PIK3AP1: variants seen among roughly 807,000 people sequenced by gnomAD.
PIK3AP1 encodes phosphoinositide-3-kinase adaptor protein 1, also known as phosphoinositide 3-kinase adapter protein 1.
A neutral mutation model predicts 88.1 loss-of-function variants in PIK3AP1; 21 were observed. The observed-to-expected ratio is 0.24, with a 90% CI of 0.17 to 0.34. The LOEUF is 0.34. Ranked by LOEUF, PIK3AP1 falls within the 10% of genes least tolerant of loss-of-function variation. The pLI is 1.00. For synonymous variants in PIK3AP1, 398 were observed against 400.0 expected, an observed-to-expected ratio of 1.00 and a Z score of 0.06; for missense variants, 828 against 1,035.7, an observed-to-expected ratio of 0.80 and a Z score of 2.75.
chr10:96,697,720 C>A (rs1207520928), intron 2 of PIK3AP1, among the ~76,000 whole-genome samples: 3 of 152,090 alleles, frequency 2.0e-5, no homozygotes, highest in Non-Finnish European at 2.9e-5. Flanking sequence ...CAGAGCAAGA[C>A]CCTGTCTCAA....
At chr10:96,705,502 T>C (rs558933242) in intron 2 of PIK3AP1, among the ~76,000 whole-genome samples, 13 of 152,230 alleles carry the variant, frequency 8.5e-5, no homozygotes, top group Non-Finnish European at 1.9e-4. Context: ...GTAGTTTCAA[T>C]AGCCCTACAA....
At chr10:96,704,322 A>G (rs1441242712) in intron 2 of PIK3AP1, among the ~76,000 whole-genome samples, 3 of 152,246 alleles carry the variant, frequency 2.0e-5, no homozygotes, top group Non-Finnish European at 4.4e-5. Context: ...CGACAGAGGT[A>G]CATGACCATT....
chr10:96,684,478 G>A (rs113787409), intron 2 of PIK3AP1, among the ~76,000 whole-genome samples: 1,558 of 152,342 alleles, frequency 0.01, 21 homozygotes, highest in African/African-American at 0.036. Flanking sequence ...CACCCACAAA[G>A]TCTGATCTGG....
chr10:96,612,333 G>A (rs1849127346), intron 13 of PIK3AP1, among the ~76,000 whole-genome samples: 1 of 152,026 alleles, frequency 6.6e-6, no homozygotes, highest in African/African-American at 2.4e-5. Flanking sequence ...CAAACCCCTG[G>A]GGTTGGAGAA....
chr10:96,632,094 T>C (rs1403870157), intron 8 of PIK3AP1, among the ~76,000 whole-genome samples: 3 of 151,976 alleles, frequency 2.0e-5, no homozygotes, highest in Non-Finnish European at 4.4e-5. Context: ...AACTGATCAG[T>C]GCTCTTCAAA....
chr10:96,648,122 C>T (rs889237356), intron 7 of PIK3AP1, among the ~76,000 whole-genome samples: 5 of 152,124 alleles, frequency 3.3e-5, no homozygotes, highest in African/African-American at 1.2e-4. Flanking sequence ...GCCCTGATGC[C>T]TTTCCAGGTG....
intron 8 of PIK3AP1, 126 bp from the exon 9 acceptor site, chr10:96,628,619 C>T: frequency 1.3e-6 from 1 of 785,240 alleles, no homozygotes; most frequent in East Asian, 2.6e-5. Flanking sequence ...ATCTATCCAT[C>T]CCTCCATCCA....
intron 9 of PIK3AP1, among the ~76,000 whole-genome samples, chr10:96,627,951 A>G (rs1022211879): frequency 1.3e-5 from 2 of 152,108 alleles, no homozygotes; most frequent in African/African-American, 4.8e-5. Flanking sequence ...AATCTTCCTA[A>G]CCACTATACA....
intron 8 of PIK3AP1, chr10:96,632,774 A>G: frequency 7.5e-7 from 1 of 1,331,594 alleles, no homozygotes; most frequent in Non-Finnish European, 1.0e-6. Flanking sequence ...GGGCATTAGG[A>G]TCGCAATGCA....
chr10:96,600,315 C>T (rs11188847), intron 16 of PIK3AP1, among the ~76,000 whole-genome samples: 31,287 of 152,130 alleles, frequency 0.21, 3,499 homozygotes, highest in Admixed American at 0.31. Context: ...GTATGTTTAA[C>T]GGAATACCTG....
At chr10:96,710,612 A>C (rs1844426496) in intron 1 of PIK3AP1, among the ~76,000 whole-genome samples, 1 of 152,060 alleles carries the variant, frequency 6.6e-6, no homozygotes, top group African/African-American at 2.4e-5. Flanking sequence ...TCATAACAAT[A>C]ATAACAATAA....
At chr10:96,695,726 C>G (rs563701760) in intron 2 of PIK3AP1, among the ~76,000 whole-genome samples, 80 of 151,854 alleles carry the variant, frequency 5.3e-4, no homozygotes, top group Admixed American at 2.0e-3. Context: ...CTATAGATTG[C>G]CTCACTTTTA....
At chr10:96,654,455 G>T (rs1331061227) in intron 3 of PIK3AP1, among the ~76,000 whole-genome samples, 1 of 151,948 alleles carries the variant, frequency 6.6e-6, no homozygotes, top group Non-Finnish European at 1.5e-5. Flanking sequence ...CACGTGATGT[G>T]GGGGGTGATC....
At position 96,663,627 on chromosome 10, in the gene PIK3AP1, CAAAAAAAAAA is replaced by C. The variant is rs373081849; in HGVS notation, c.431-6703_431-6694del. Among the ~76,000 whole-genome samples the C allele has an allele frequency of 1.7e-3, 73 of 42,984 alleles. 1 individual carries two copies. The highest frequency in any genetic ancestry group is 8.3e-3 in the East Asian group (10 of 1,208). 28.2% of individuals were successfully genotyped at this position (42,984 alleles called of 152,430 possible). On this transcript the variant is annotated intron_variant, in intron 2 of 16. Coordinates refer to ENST00000339364, the MANE Select transcript of PIK3AP1 (RefSeq NM_152309.3). ...CCTGGGCAACAGAGTGAGACTCCGT[CAAAAAAAAAA>C]AAAAAAAAAAAAAAAAAGAAACCCA...
intron 2 of PIK3AP1, among the ~76,000 whole-genome samples, chr10:96,675,286 G>C (rs879730454): frequency 2.0e-5 from 3 of 152,160 alleles, no homozygotes; most frequent in Non-Finnish European, 2.9e-5. Flanking sequence ...ATGAATAAGA[G>C]GGGGAAGGAA....
chr10:96,655,420 T>A (rs1843601682), intron 3 of PIK3AP1, among the ~76,000 whole-genome samples: 1 of 152,192 alleles, frequency 6.6e-6, no homozygotes, highest in Non-Finnish European at 1.5e-5. Flanking sequence ...GGCACAAGAA[T>A]TGCTTGAATC....
intron 2 of PIK3AP1, 49 bp downstream of exon 2, chr10:96,709,518 G>A (rs775877000): frequency 1.0e-5 from 16 of 1,548,418 alleles, no homozygotes; most frequent in Admixed American, 1.9e-5. Context: ...CCTAGGACCT[G>A]GATTAGCAAC....
intron 1 of PIK3AP1, among the ~76,000 whole-genome samples, chr10:96,712,694 T>TTAAGAGGCAA: frequency 6.6e-6 from 1 of 152,392 alleles, no homozygotes; most frequent in Admixed American, 6.5e-5. Context: ...AACGTTCTTC[T>TTAAGAGGCAA]AAGTGTCAAG....
intron 13 of PIK3AP1, 71 bp from the exon 14 acceptor site, chr10:96,609,938 T>C: frequency 6.5e-7 from 1 of 1,529,864 alleles, no homozygotes; most frequent in South Asian, 1.1e-5. Context: ...CTCAGCAGCT[T>C]CCCTCCACCT....
Sources: allele counts gnomAD v4.1 joint callset (sites outside exome capture counted in the v4.1 genomes callset), GRCh38; gene constraint gnomAD v4.1.1; transcripts MANE v1.5; gene names NCBI Gene and HGNC (gene_info 2026-07-23, HGNC 2026-07-21).